LRRC4C: variants seen among roughly 807,000 people sequenced by gnomAD.
LRRC4C encodes leucine-rich repeat-containing protein 4C.
A neutral mutation model predicts 33.6 loss-of-function variants in LRRC4C; 5 were observed. That is an observed-to-expected ratio of 0.15 (90% CI 0.08 to 0.31). The LOEUF is 0.31. Among genes scored for constraint, LRRC4C ranks in the 10% least tolerant of loss-of-function variants. LRRC4C has a pLI of 1.00. For missense variants in LRRC4C, 560 were observed against 796.7 expected (o/e 0.70, Z 3.58); for synonymous variants, 329 against 302.0 (o/e 1.09, Z -0.93).
At chr11:40,589,740 T>A (rs1958943857) in intron 3 of LRRC4C, among the ~76,000 whole-genome samples, 2 of 151,346 alleles carry the variant, frequency 1.3e-5, no homozygotes, top group Non-Finnish European at 2.9e-5. Context: ...CTTATGAAAC[T>A]TAGTTTGGCT....
chr11:40,848,316 T>C (rs1953299554), intron 2 of LRRC4C, among the ~76,000 whole-genome samples: 1 of 152,194 alleles, frequency 6.6e-6, no homozygotes, highest in Non-Finnish European at 1.5e-5. Context: ...AACATTGCTT[T>C]AGCTGTGTCC....
chr11:40,785,010 T>G (rs896484158), intron 2 of LRRC4C, among the ~76,000 whole-genome samples: 3 of 152,190 alleles, frequency 2.0e-5, no homozygotes, highest in African/African-American at 7.2e-5. Flanking sequence ...TAAAAATACC[T>G]GACGAGTTTC....
intron 2 of LRRC4C, among the ~76,000 whole-genome samples, chr11:40,898,774 GA>G (rs59844720): frequency 0.077 from 11,239 of 145,456 alleles, 1,304 homozygotes; most frequent in African/African-American, 0.25. Context: ...ATTTGATAAA[GA>G]AAAAAAAAAA....
rs973325369 is a variant in LRRC4C at position 41,067,874 on chromosome 11, C to T, written c.-495-134151G>A. Among the ~76,000 whole-genome samples, 5 of 152,042 alleles carry T rather than the reference C, an allele frequency of 3.3e-5. No homozygotes were observed. The Middle Eastern group carries it at 0.01, about 310-fold the overall frequency. On this transcript the variant is annotated intron_variant, in intron 1 of 6. Transcript: ENST00000528697. ...GAAACCAATGAGAACAGAGAGACAA[C>T]GTACTAGAATCTCTGGCACACAGCT...
chr11:41,262,769 A>G (rs1949025032), intron 1 of LRRC4C, among the ~76,000 whole-genome samples: 1 of 152,138 alleles, frequency 6.6e-6, no homozygotes, highest in Admixed American at 6.6e-5. Flanking sequence ...GTACCCACCC[A>G]CAGGTCTATT....
At chr11:40,994,064 T>C (rs1592285894) in intron 1 of LRRC4C, among the ~76,000 whole-genome samples, 2 of 151,998 alleles carry the variant, frequency 1.3e-5, no homozygotes, top group East Asian at 1.9e-4. Flanking sequence ...TTTTTTTTTT[T>C]TTTTTAAGGA....
rs189029373 is a variant in LRRC4C, at chr11:40,542,919, T to G, written c.-270+105223A>C. Among the ~76,000 whole-genome samples, 122 of 152,278 alleles carry G rather than the reference T, an allele frequency of 8.0e-4. 1 individual carries two copies. Among genetic ancestry groups the G allele is most frequent in the Middle Eastern group, 3.4e-3 (1 of 294 alleles). On this transcript the variant is annotated intron_variant, in intron 3 of 6. Transcript: ENST00000528697. Reference sequence around the variant, plus strand: ...TTAAGGCATACATTTAAACTGACAGTTACATTTTACACATTTGTTGCTTTT... The same window carrying G: ...TTAAGGCATACATTTAAACTGACAGGTACATTTTACACATTTGTTGCTTTT...
chr11:40,284,618 G>A (rs971409101), intron 4 of LRRC4C, among the ~76,000 whole-genome samples: 6 of 152,184 alleles, frequency 3.9e-5, no homozygotes, highest in Non-Finnish European at 8.8e-5. Context: ...CAATCTAGGA[G>A]AGAAACGCTA....
At chr11:40,731,188 A>G (rs75748782) in intron 2 of LRRC4C, among the ~76,000 whole-genome samples, 55,837 of 150,556 alleles carry the variant, frequency 0.37, 10,683 homozygotes, top group African/African-American at 0.4. Context: ...GCGTGGTGGC[A>G]AGTGCCTGTA....
At chr11:40,750,546 T>C (rs990296445) in intron 2 of LRRC4C, among the ~76,000 whole-genome samples, 3 of 150,424 alleles carry the variant, frequency 2.0e-5, no homozygotes, top group Non-Finnish European at 4.4e-5. Flanking sequence ...CAGCAAACTA[T>C]TGCAAGGACA....
chr11:40,522,718 A>G (rs1955872361), intron 3 of LRRC4C, among the ~76,000 whole-genome samples: 2 of 152,078 alleles, frequency 1.3e-5, no homozygotes, highest in African/African-American at 2.4e-5. Flanking sequence ...TTCCCCTACT[A>G]AGTCTCTGGC....
intron 1 of LRRC4C, among the ~76,000 whole-genome samples, chr11:41,364,596 C>T (rs1182872916): frequency 3.3e-5 from 5 of 151,994 alleles, no homozygotes; most frequent in African/African-American, 7.3e-5. Context: ...TATGATTGAT[C>T]GTCAAATGCA....
chr11:41,058,284 G>A (rs928231548), intron 1 of LRRC4C, among the ~76,000 whole-genome samples: 2 of 152,248 alleles, frequency 1.3e-5, no homozygotes, highest in African/African-American at 4.8e-5. Flanking sequence ...AGCCGTGGAA[G>A]CTGCTTGTGG....
chr11:40,763,381 A>G (rs1477620158), intron 2 of LRRC4C, among the ~76,000 whole-genome samples: 3 of 152,138 alleles, frequency 2.0e-5, no homozygotes, highest in Admixed American at 1.3e-4. Context: ...TAAATAGGGC[A>G]GGAGGCAGAG....
In LRRC4C at chr11:41,034,183, A is replaced by C. The variant is rs1190015365; in HGVS notation, c.-495-100460T>G. 2.0e-5 allele frequency among the ~76,000 whole-genome samples: 3 copies of C among 152,006 alleles called. No individual in the cohort carries two copies. The East Asian group carries it at 5.8e-4, about 30-fold the overall frequency. On this transcript the variant is annotated intron_variant, in intron 1 of 6. Transcript: ENST00000528697. ...GATTACTGTTGCTATCATAGGAACAAGTCTTTATCCTGTGAGTGGCTTTAT... is the reference window on the plus strand; with the variant it reads ...GATTACTGTTGCTATCATAGGAACACGTCTTTATCCTGTGAGTGGCTTTAT...
intron 5 of LRRC4C, among the ~76,000 whole-genome samples, chr11:40,198,992 G>T (rs922876623): frequency 6.6e-6 from 1 of 152,210 alleles, no homozygotes; most frequent in African/African-American, 2.4e-5. Flanking sequence ...TCCGAGGCAG[G>T]AGCACGCCTG....
chr11:41,268,445 A>G (rs1229284770), intron 1 of LRRC4C, among the ~76,000 whole-genome samples: 2 of 152,144 alleles, frequency 1.3e-5, no homozygotes, highest in Admixed American at 6.6e-5. Flanking sequence ...TTATGAAGTT[A>G]TAGGTACTAA....
intron 3 of LRRC4C, among the ~76,000 whole-genome samples, chr11:40,571,745 T>C (rs1184169599): frequency 6.6e-6 from 1 of 152,184 alleles, no homozygotes; most frequent in East Asian, 1.9e-4. Flanking sequence ...CCCCTATAGC[T>C]TAGAACATCT....
intron 4 of LRRC4C, among the ~76,000 whole-genome samples, chr11:40,318,146 C>A: frequency 6.6e-6 from 1 of 152,018 alleles, no homozygotes; most frequent in Non-Finnish European, 1.5e-5. Flanking sequence ...ATATAGATAT[C>A]ACCTCCCAGA....
Sources: gnomAD v4.1 joint callset for allele counts (sites outside exome capture counted in the v4.1 genomes callset) on GRCh38, gnomAD v4.1.1 for gene constraint, MANE v1.5 for transcripts, NCBI Gene and HGNC (gene_info 2026-07-23, HGNC 2026-07-21) for gene names.